LRRC7: variants seen among roughly 807,000 people sequenced by gnomAD.
The protein encoded by LRRC7 is leucine-rich repeat-containing protein 7.
Under a neutral mutation model 175.7 loss-of-function variants are expected in LRRC7, and 23 were observed. The observed-to-expected ratio is 0.13, with a 90% confidence interval of 0.09 to 0.19. The LOEUF is 0.19. LRRC7 is among the 10% of genes least tolerant of loss of function. The probability of loss-of-function intolerance (pLI) is 1.00; values close to 1 mark genes in which losing one functional copy is unlikely to be tolerated. For missense variants in LRRC7, 1,354 were observed against 1,904.7 expected, an observed-to-expected ratio of 0.71 and a Z score of 5.38; for synonymous variants, 685 against 680.9, an observed-to-expected ratio of 1.01 and a Z score of -0.09.
intron 25 of LRRC7, among the ~76,000 whole-genome samples, chr1:70,101,495 G>A (rs1287180302): frequency 2.0e-5 from 3 of 152,072 alleles, no homozygotes; most frequent in Non-Finnish European, 4.4e-5. Context: ...TCATTAAAAA[G>A]CCATATAAAC....
intron 2 of LRRC7, among the ~76,000 whole-genome samples, chr1:69,755,395 TA>T (rs1348576199): frequency 6.7e-6 from 1 of 149,080 alleles, no homozygotes; most frequent in African/African-American, 2.5e-5. Context: ...TATTTATATA[TA>T]TGCAAAAGTA....
intron 25 of LRRC7, among the ~76,000 whole-genome samples, chr1:70,090,170 T>A (rs1398414312): frequency 6.6e-6 from 1 of 152,162 alleles, no homozygotes; most frequent in Non-Finnish European, 1.5e-5. Context: ...AAAGGTTAAC[T>A]CGTAAGTCAC....
intron 1 of LRRC7, among the ~76,000 whole-genome samples, chr1:69,655,417 T>C (rs1174131828): frequency 6.6e-6 from 1 of 151,980 alleles, no homozygotes; most frequent in Non-Finnish European, 1.5e-5. Context: ...GCATGTTGTA[T>C]TCGCCACCAA....
At chr1:69,879,317 T>G (rs888198715) in intron 7 of LRRC7, among the ~76,000 whole-genome samples, 30 of 150,018 alleles carry the variant, frequency 2.0e-4, no homozygotes, top group Non-Finnish European at 4.1e-4. Flanking sequence ...ACCCACTAAG[T>G]AGGAAATCTG....
At chr1:70,068,841 G>A (rs937545716) in intron 23 of LRRC7, among the ~76,000 whole-genome samples, 15 of 152,066 alleles carry the variant, frequency 9.9e-5, no homozygotes, top group South Asian at 2.1e-4. Context: ...TCAGCCTCTC[G>A]AGTAGCTAAG....
chr1:69,609,846 A>G (rs757465111), intron 1 of LRRC7, among the ~76,000 whole-genome samples: 44 of 152,234 alleles, frequency 2.9e-4, no homozygotes, highest in Non-Finnish European at 5.6e-4. Flanking sequence ...ATGCCTAGAA[A>G]TGAGATGACT....
At position 69,615,550 on chromosome 1, in the gene LRRC7, G is replaced by A. The variant is rs1040965036; in HGVS notation, c.2+46909G>A. ...TTTCTACTTTCAGAATTCTAATCAT[G>A]TGAGAAAAATAAGACTTTTTAAAAT... On this transcript the variant is annotated intron_variant, in intron 1 of 26. Transcript: ENST00000651989. Among the ~76,000 whole-genome samples the A allele has an allele frequency of 3.3e-5, 5 of 152,168 alleles. No individual in the cohort carries two copies. In the South Asian group the frequency reaches 1.0e-3, roughly 31 times the overall value.
intron 2 of LRRC7, among the ~76,000 whole-genome samples, chr1:69,697,058 G>T (rs748422971): frequency 1.2e-4 from 18 of 152,038 alleles, no homozygotes; most frequent in Non-Finnish European, 2.1e-4. Context: ...CTTAATATTT[G>T]TTTCTTTCAA....
intron 21 of LRRC7, among the ~76,000 whole-genome samples, chr1:70,040,683 G>A (rs749430029): frequency 2.6e-5 from 4 of 151,938 alleles, no homozygotes; most frequent in Admixed American, 6.6e-5. Context: ...GCATGGTGGC[G>A]CACGCCTGTA....
intron 17 of LRRC7, among the ~76,000 whole-genome samples, chr1:70,026,772 T>A (rs145253274): frequency 0.011 from 1,656 of 152,226 alleles, 34 homozygotes; most frequent in African/African-American, 0.038. Flanking sequence ...TTTACTGGAA[T>A]AATAATTTTA....
intron 2 of LRRC7, among the ~76,000 whole-genome samples, chr1:69,744,883 C>T (rs979213816): frequency 6.6e-6 from 1 of 151,682 alleles, no homozygotes; most frequent in African/African-American, 2.4e-5. Context: ...TAAAAGATAA[C>T]ATAGTAAAAT....
Position 70,032,674 on chromosome 1 carries a change from T to C in LRRC7, c.1996-3447T>C, listed in dbSNP as rs1558006732. 2.0e-5 allele frequency among the ~76,000 whole-genome samples: 3 copies of C among 152,224 alleles called. No individual in the cohort carries two copies. In the East Asian group the frequency reaches 5.8e-4, roughly 29 times the overall value. ...CATCTTTCTTCCAGTAACAGAGAAT[T>C]GTCCATTACCCTCAAAATTTTCCTT... On this transcript the variant is annotated intron_variant, in intron 18 of 26. Coordinates refer to ENST00000651989, the MANE Select transcript of LRRC7 (RefSeq NM_001370785.2).
At chr1:69,967,365 C>T (rs2101858497) in intron 8 of LRRC7, among the ~76,000 whole-genome samples, 1 of 152,280 alleles carries the variant, frequency 6.6e-6, no homozygotes, top group East Asian at 1.9e-4. Flanking sequence ...CCCCTACACC[C>T]TCTGGTAACT....
At chr1:69,777,316 G>A (rs1672923486) in intron 3 of LRRC7, among the ~76,000 whole-genome samples, 1 of 152,168 alleles carries the variant, frequency 6.6e-6, no homozygotes, top group African/African-American at 2.4e-5. Flanking sequence ...AAATGGAATA[G>A]GGAGGCCAAG....
intron 1 of LRRC7, among the ~76,000 whole-genome samples, chr1:69,648,537 GC>G (rs576597584): frequency 7.2e-5 from 11 of 152,194 alleles, no homozygotes; most frequent in Non-Finnish European, 7.3e-5. Context: ...AATGGGAAAA[GC>G]CAGAGTATTT....
Position 69,702,063 on chromosome 1 carries a change from C to A in LRRC7, c.100+23585C>A, listed in dbSNP as rs536481593. On this transcript the variant is annotated intron_variant, in intron 2 of 26. Transcript: ENST00000651989. ...ACAAGGCATTGTGTTTTATTTTCTG[C>A]AAGTTTGAACACCTTCTAGTCAAAA... Among the ~76,000 whole-genome samples, 12 of 152,206 alleles carry A rather than the reference C, an allele frequency of 7.9e-5. 1 individual carries two copies. In the South Asian group the frequency reaches 8.3e-4, roughly 11 times the overall value.
intron 25 of LRRC7, among the ~76,000 whole-genome samples, chr1:70,104,620 A>C (rs1317949075): frequency 6.6e-6 from 1 of 152,186 alleles, no homozygotes; most frequent in Non-Finnish European, 1.5e-5. Flanking sequence ...AAGACATAAT[A>C]AAGTGAAATC....
chr1:69,595,595 ACTTTACAAC>A (rs112528758), intron 1 of LRRC7, among the ~76,000 whole-genome samples: 22,938 of 152,084 alleles, frequency 0.15, 1,879 homozygotes, highest in Admixed American at 0.19. Context: ...GCAAGTACTA[ACTTTACAAC>A]CTTACTTTCC....
intron 3 of LRRC7, among the ~76,000 whole-genome samples, chr1:69,782,576 A>T (rs1187592416): frequency 6.6e-6 from 1 of 152,126 alleles, no homozygotes; most frequent in East Asian, 1.9e-4. Context: ...AGATGTGGTA[A>T]TGCAGGACAG....
Sources: allele counts gnomAD v4.1 joint callset (sites outside exome capture counted in the v4.1 genomes callset), GRCh38; gene constraint gnomAD v4.1.1; transcripts MANE v1.5; gene names NCBI Gene and HGNC (gene_info 2026-07-23, HGNC 2026-07-21).